The following ATP6V1B2 variants were observed in gnomAD, a reference collection of about 807,000 sequenced individuals.
The protein encoded by ATP6V1B2 is ATPase H+ transporting V1 subunit B2.
Under a neutral mutation model 66.7 loss-of-function variants are expected in ATP6V1B2, and 23 were observed. The observed-to-expected ratio is 0.34, with a 90% confidence interval of 0.25 to 0.49. The LOEUF is 0.49. Among genes scored for constraint, ATP6V1B2 ranks in the 20% least tolerant of loss-of-function variants. The pLI, the probability that ATP6V1B2 is intolerant of heterozygous loss-of-function variation, is 0.99. For missense variants in ATP6V1B2, 478 were observed against 650.8 expected (o/e 0.73, Z 2.89); for synonymous variants, 278 against 236.7 (o/e 1.17, Z -1.60).
intron 1 of ATP6V1B2, among the ~76,000 whole-genome samples, chr8:20,203,049 A>G (rs1272821753): frequency 6.6e-6 from 1 of 152,234 alleles, no homozygotes; most frequent in Non-Finnish European, 1.5e-5. Context: ...AGAGTATTCA[A>G]TCATTTTAAA....
In ATP6V1B2 at chr8:20,210,595, C is replaced by G. The variant is rs761709834; in HGVS notation, c.412C>G (p.Pro138Ala). The G allele has an allele frequency of 5.6e-6, 9 of 1,613,778 alleles. No homozygotes were observed. The East Asian group carries it at 2.0e-4, about 36-fold the overall frequency. Residue 138 changes from proline (P) to alanine (A), a missense_variant, in exon 5 of 14, where the codon CCC becomes GCC. Coordinates refer to ENST00000276390, the MANE Select transcript of ATP6V1B2 (RefSeq NM_001693.4). ...TCGGGTATTCAATGGATCGGGAAAACCCATTGACAGAGGTCCTGTTGTACT... is the reference window on the plus strand; with the variant it reads ...TCGGGTATTCAATGGATCGGGAAAAGCCATTGACAGAGGTCCTGTTGTACT... ...LGRVFNGSGK[P>A]IDRGPVVLAE... is the part of the protein sequence containing the mutation.
At chr8:20,207,868 TGA>T (rs1354655536) in intron 2 of ATP6V1B2, among the ~76,000 whole-genome samples, 3 of 152,148 alleles carry the variant, frequency 2.0e-5, no homozygotes, top group Non-Finnish European at 4.4e-5. Flanking sequence ...AGGATTTACT[TGA>T]TAAGTAAGAA....
chr8:20,215,140 A>G (rs555434225), intron 10 of ATP6V1B2, 172 bp downstream of exon 10: 56 of 762,150 alleles, frequency 7.3e-5, no homozygotes, highest in African/African-American at 7.2e-4. Context: ...TTATTATCCT[A>G]TTGTGGAGGA....
At chr8:20,210,770 G>T (rs984655761) in intron 5 of ATP6V1B2, 124 bp downstream of exon 5, 2 of 488,474 alleles carry the variant, frequency 4.1e-6, no homozygotes, top group Non-Finnish European at 6.9e-6. Flanking sequence ...CGCTCCATAG[G>T]TTATAAATTA....
intron 9 of ATP6V1B2, 124 bp downstream of exon 9, chr8:20,213,029 G>T: frequency 7.6e-7 from 1 of 1,317,918 alleles, no homozygotes. Flanking sequence ...TTAATAGAAT[G>T]CCTTAATAAA....
At position 20,216,537 on chromosome 8, in the gene ATP6V1B2, C is replaced by T. The variant is rs764569693; in HGVS notation, c.1161+42C>T. The stretch of plus-strand genomic sequence containing the variant: ...GTGCTGGGAAGCTTGCAGACCTGCT[C>T]ATCCGTTATTCTTTAGTGACTTGGA... On this transcript the variant is annotated intron_variant, in intron 11 of 13. Coordinates refer to ENST00000276390, the MANE Select transcript of ATP6V1B2 (RefSeq NM_001693.4). 8 of 1,546,480 alleles carry T rather than the reference C, an allele frequency of 5.2e-6. No individual in the cohort carries two copies. The East Asian group carries it at 6.8e-5, about 13-fold the overall frequency.
chr8:20,217,385 C>G, intron 12 of ATP6V1B2, 61 bp downstream of exon 12: 2 of 1,425,750 alleles, frequency 1.4e-6, no homozygotes, highest in Non-Finnish European at 2.0e-6. Context: ...CTGTCTTACA[C>G]CTCTTGTCTT....
chr8:20,203,419 A>T (rs540543956), intron 1 of ATP6V1B2, among the ~76,000 whole-genome samples: 1 of 152,352 alleles, frequency 6.6e-6, no homozygotes, highest in African/African-American at 2.4e-5. Flanking sequence ...TTGAGTGGAC[A>T]GACTGGTTAG....
chr8:20,197,455 C>G lies in ATP6V1B2; in HGVS notation c.49C>G (p.Leu17Val), dbSNP rs757469155. The change falls in exon 1 of 14, where the codon CTA (leucine) becomes GTA (valine). Residue 17 changes from leucine to valine, a missense_variant. Around this residue, in one of 2 missense-constraint regions of ATP6V1B2, gnomAD observed 152 missense variants for 105.2 expected, o/e 1.44. Coordinates refer to ENST00000276390, the MANE Select transcript of ATP6V1B2 (RefSeq NM_001693.4). ...GATTGTCAACGGGGCCGCACCCGAGCTACCCGTGCCCACCGGTGGGCCGGC... is the reference window on the plus strand; with the variant it reads ...GATTGTCAACGGGGCCGCACCCGAGGTACCCGTGCCCACCGGTGGGCCGGC... ...RGIVNGAAPELPVPTGGPAVG... is the reference protein window; with the variant it reads ...RGIVNGAAPEVPVPTGGPAVG... 6.5e-7 allele frequency: 1 copy of G among 1,539,722 alleles called. No homozygotes were observed. The highest frequency in any genetic ancestry group is 1.2e-5 in the South Asian group (1 of 84,150).
Position 20,209,416 on chromosome 8 carries a change from T to C in ATP6V1B2, c.193-17T>C, listed in dbSNP as rs1209271424. The C allele has an allele frequency of 6.2e-7, 1 of 1,610,784 alleles. No individual in the cohort carries two copies. Among genetic ancestry groups the C allele is most frequent in the Non-Finnish European group, 8.5e-7 (1 of 1,177,128 alleles). On this transcript the variant is annotated splice_polypyrimidine_tract_variant and intron_variant, in intron 2 of 13. Coordinates refer to ENST00000276390, the MANE Select transcript of ATP6V1B2 (RefSeq NM_001693.4). Reference sequence around the variant, plus strand: ...TGTAAAATGTCGGATATTGATCCTTTATTTTTTTCTCTTTAGTTTCCCAGG... The same window carrying C: ...TGTAAAATGTCGGATATTGATCCTTCATTTTTTTCTCTTTAGTTTCCCAGG...
At chr8:20,203,777 C>T (rs148435234) in intron 1 of ATP6V1B2, among the ~76,000 whole-genome samples, 269 of 152,212 alleles carry the variant, frequency 1.8e-3, no homozygotes, top group African/African-American at 6.2e-3. Context: ...ATTCCTAGGG[C>T]GCACTTTGCA....
intron 1 of ATP6V1B2, among the ~76,000 whole-genome samples, chr8:20,199,239 GTAGCA>G (rs1482967080): frequency 6.6e-6 from 1 of 152,194 alleles, no homozygotes; most frequent in African/African-American, 2.4e-5. Flanking sequence ...CAAAACTGTT[GTAGCA>G]TAGGGCTTCA....
intron 1 of ATP6V1B2, among the ~76,000 whole-genome samples, chr8:20,199,530 G>T (rs1412917577): frequency 6.6e-6 from 1 of 150,808 alleles, no homozygotes; most frequent in African/African-American, 2.5e-5. Flanking sequence ...TTCTTATTTT[G>T]CCATATTTTT....
At chr8:20,199,261 A>G (rs2072659451) in intron 1 of ATP6V1B2, among the ~76,000 whole-genome samples, 1 of 152,156 alleles carries the variant, frequency 6.6e-6, no homozygotes, top group African/African-American at 2.4e-5. Flanking sequence ...TTCACACTCA[A>G]CTGTTAGATG....
intron 1 of ATP6V1B2, among the ~76,000 whole-genome samples, chr8:20,199,604 G>GTT (rs11356003): frequency 0.014 from 1,184 of 87,610 alleles, 12 homozygotes; most frequent in Middle Eastern, 0.02. Flanking sequence ...ATTTTTGTGG[G>GTT]TTTTTTTTTT....
At chr8:20,210,506 TTAAAAA>T (rs1164211957) in intron 4 of ATP6V1B2, 57 bp from the exon 5 acceptor site, 9 of 1,606,626 alleles carry the variant, frequency 5.6e-6, no homozygotes, top group African/African-American at 1.3e-5. Flanking sequence ...ATAATGTCTT[TTAAAAA>T]TTATGAACAT....
chr8:20,201,856 C>T (rs2072690928), intron 1 of ATP6V1B2, among the ~76,000 whole-genome samples: 1 of 152,104 alleles, frequency 6.6e-6, no homozygotes, highest in African/African-American at 2.4e-5. Context: ...CTGGTGAGAG[C>T]CTTCTTTCTG....
chr8:20,206,887 A>G (rs2072744446), intron 2 of ATP6V1B2, among the ~76,000 whole-genome samples: 1 of 152,200 alleles, frequency 6.6e-6, no homozygotes, highest in East Asian at 1.9e-4. Flanking sequence ...ACCCAGTGCT[A>G]TGGGGAAAAG....
At chr8:20,214,540 TGCAAACAGATTTTCTTCTA>T (rs2072830456) in intron 9 of ATP6V1B2, 1 of 242,676 alleles carries the variant, frequency 4.1e-6, no homozygotes. Flanking sequence ...TTTATAAAAT[TGCAAACAGATTTTCTTCTA>T]GCAAACTATT....
Sources: gnomAD v4.1 joint callset for allele counts (sites outside exome capture counted in the v4.1 genomes callset) on GRCh38, gnomAD v4.1.1 for gene constraint, gnomAD v4.1.1 regional missense constraint, MANE v1.5 for transcripts, NCBI Gene and HGNC (gene_info 2026-07-23, HGNC 2026-07-21) for gene names.